Variants in PCBP3 observed in about 807,000 individuals in gnomAD.
PCBP3 encodes poly(rC) binding protein 3.
PCBP3 carries 25 observed loss-of-function variants against 52.7 expected under a neutral mutation model. That is an observed-to-expected ratio of 0.47 (90% confidence interval 0.35 to 0.66). The LOEUF (loss-of-function observed/expected upper bound fraction) is 0.66. PCBP3 is among the 30% of genes least tolerant of loss of function. The pLI is 0.01. For missense variants in PCBP3, 391 were observed against 490.3 expected, an observed-to-expected ratio of 0.80 and a Z score of 1.91; for synonymous variants, 162 against 183.0, an observed-to-expected ratio of 0.89 and a Z score of 0.93.
chr21:45,740,695 G>A (rs1433035243), intron 3 of PCBP3, among the ~76,000 whole-genome samples: 1 of 151,920 alleles, frequency 6.6e-6, no homozygotes, highest in Non-Finnish European at 1.5e-5. Context: ...ATGCGTGTGT[G>A]TATGTGTGTG....
intron 13 of PCBP3, among the ~76,000 whole-genome samples, chr21:45,921,669 T>C (rs1333578437): frequency 6.6e-6 from 1 of 151,942 alleles, no homozygotes; most frequent in Non-Finnish European, 1.5e-5. Context: ...TACAAAAAAA[T>C]TTAGCCAGAC....
Position 45,837,245 on chromosome 21 carries a change from T to C in PCBP3, c.-125-12716T>C, listed in dbSNP as rs1185772675. Among the ~76,000 whole-genome samples, 1 of 152,262 alleles carries C rather than the reference T, an allele frequency of 6.6e-6. No homozygotes were observed. The highest frequency in any genetic ancestry group is 1.5e-5 in the Non-Finnish European group (1 of 68,046). On this transcript the variant is annotated intron_variant, in intron 4 of 17. Transcript: ENST00000681687. This position sits in a 1 kb window ranked among gnomAD's most constrained non-coding sequence, Gnocchi z 4.1. ...GTAAATAACGTTTCACTGTGGTCTG[T>C]ATCTCCCGTTCCACATGCTCTTGTG...
Position 45,736,992 on chromosome 21 carries a change from G to C in PCBP3, c.-162+1563G>C, listed in dbSNP as rs73232742. Among the ~76,000 whole-genome samples, 2,528 of 152,218 alleles carry C rather than the reference G, an allele frequency of 0.017. 23 individuals are homozygous for C. Among genetic ancestry groups the C allele is most frequent in the Non-Finnish European group, 0.024 (1,639 of 67,996 alleles). ...TGCGCGAGTCTTGCTGGAGGTGCAC[G>C]TGTGAGCCCCTTGGTGCAGGAGGTG... On this transcript the variant is annotated intron_variant, in intron 3 of 17. Transcript: ENST00000681687. The surrounding 1 kb of genome is among the most constrained non-coding windows in gnomAD (Gnocchi z 4.6).
At position 45,892,980 on chromosome 21, in the gene PCBP3, G is replaced by C. The variant is rs1014648081; in HGVS notation, c.11-3228G>C. On this transcript the variant is annotated intron_variant, in intron 5 of 17. Coordinates refer to ENST00000681687, the MANE Select transcript of PCBP3 (RefSeq NM_001384156.1). Reference sequence around the variant, plus strand: ...TGGGGAGGGGAGGGAGTGCTGGAGAGGGGAGGGAGTCCTGGAGAGGGGAGC... The same window carrying C: ...TGGGGAGGGGAGGGAGTGCTGGAGACGGGAGGGAGTCCTGGAGAGGGGAGC... Among the ~76,000 whole-genome samples, 7 of 152,068 alleles carry C rather than the reference G, an allele frequency of 4.6e-5. 1 individual carries two copies. Among genetic ancestry groups the C allele is most frequent in the Non-Finnish European group, 8.8e-5 (6 of 67,980 alleles).
At chr21:45,693,518 C>CCA (rs1227173276) in intron 2 of PCBP3, among the ~76,000 whole-genome samples, 1 of 152,074 alleles carries the variant, frequency 6.6e-6, no homozygotes, top group Non-Finnish European at 1.5e-5. Flanking sequence ...TGTTAAAACT[C>CCA]ATCAAATTGT....
Position 45,754,152 on chromosome 21 carries a change from A to G in PCBP3, c.-161-1265A>G, listed in dbSNP as rs2087806115. ...AGACTGCTTTCCAAAATTAAATTTT[A>G]ATGGAAAAATATTGGCATGTGGCAT... is the stretch of plus-strand genomic sequence containing the variant. On this transcript the variant is annotated intron_variant, in intron 3 of 17. Transcript: ENST00000681687. Among the ~76,000 whole-genome samples the G allele has an allele frequency of 1.3e-5, 2 of 152,134 alleles. 1 individual carries two copies. Among genetic ancestry groups the G allele is most frequent in the South Asian group, 4.1e-4 (2 of 4,828 alleles).
intron 2 of PCBP3, among the ~76,000 whole-genome samples, chr21:45,717,227 T>G (rs1260564199): frequency 2.0e-5 from 3 of 152,154 alleles, no homozygotes; most frequent in African/African-American, 7.2e-5. Flanking sequence ...ATTATACTAG[T>G]TTTTTAGTGG....
chr21:45,898,975 G>A (rs764187880), intron 6 of PCBP3, among the ~76,000 whole-genome samples: 33 of 152,196 alleles, frequency 2.2e-4, no homozygotes, highest in Non-Finnish European at 3.4e-4. Context: ...CGTCCTCACA[G>A]CCTCACCGAC....
intron 2 of PCBP3, among the ~76,000 whole-genome samples, chr21:45,702,782 A>G (rs992149570): frequency 1.3e-5 from 2 of 152,206 alleles, no homozygotes; most frequent in African/African-American, 4.8e-5. Context: ...TCTTCCTTTC[A>G]CGAAAGTTTT....
rs564980133 is a variant in PCBP3, at chr21:45,830,501, C to G, written c.-125-19460C>G. On this transcript the variant is annotated intron_variant, in intron 4 of 17. Coordinates refer to ENST00000681687, the MANE Select transcript of PCBP3 (RefSeq NM_001384156.1). The surrounding 1 kb of genome is among the most constrained non-coding windows in gnomAD (Gnocchi z 4.4). ...GCAGGGTGGAGTGAGGCCACTGACG[C>G]GGGAGCCCTGCTGTGGGGGGTGTGT... The G allele has an allele frequency of 1.3e-5, 2 of 152,592 alleles. No individual in the cohort carries two copies. The highest frequency in any genetic ancestry group is 2.4e-5 in the African/African-American group (1 of 41,426). The allele number at this position is 152,592 out of a possible 1,614,324, so 9.5% of individuals were successfully genotyped here.
At chr21:45,823,798 A>G (rs561050280) in intron 4 of PCBP3, among the ~76,000 whole-genome samples, 1 of 152,022 alleles carries the variant, frequency 6.6e-6, no homozygotes, top group Admixed American at 6.6e-5. Context: ...TTGGAGTGCA[A>G]TAGCATGATC....
At chr21:45,792,884 G>A (rs2091701182) in intron 4 of PCBP3, among the ~76,000 whole-genome samples, 1 of 152,146 alleles carries the variant, frequency 6.6e-6, no homozygotes, top group Admixed American at 6.5e-5. Context: ...AAGTTGTGTC[G>A]GGGCCAGCCA....
chr21:45,920,994 G>A (rs1403413540), intron 13 of PCBP3, among the ~76,000 whole-genome samples: 1 of 152,216 alleles, frequency 6.6e-6, no homozygotes, highest in Non-Finnish European at 1.5e-5. Context: ...TCGGTGTCAT[G>A]AGATTTGCAG....
intron 5 of PCBP3, among the ~76,000 whole-genome samples, chr21:45,856,493 G>A (rs762203401): frequency 3.3e-5 from 5 of 152,290 alleles, no homozygotes; most frequent in East Asian, 3.9e-4. Flanking sequence ...TCATGGGTGC[G>A]GCTTCCCCAT....
At chr21:45,764,257 G>A (rs759750739) in intron 4 of PCBP3, among the ~76,000 whole-genome samples, 9 of 151,966 alleles carry the variant, frequency 5.9e-5, no homozygotes, top group Non-Finnish European at 1.2e-4. Context: ...CGAGTAGCTG[G>A]GATTACAGGC....
intron 10 of PCBP3, among the ~76,000 whole-genome samples, 174 bp downstream of exon 10, chr21:45,909,660 G>A (rs931536404): frequency 1.3e-5 from 2 of 151,570 alleles, no homozygotes; most frequent in Non-Finnish European, 2.9e-5. Context: ...CCATGAGCAA[G>A]CACAACTGCA....
chr21:45,824,269 C>A (rs1431768858), intron 4 of PCBP3, among the ~76,000 whole-genome samples: 1 of 152,192 alleles, frequency 6.6e-6, no homozygotes, highest in Non-Finnish European at 1.5e-5. Context: ...AGGTGCAAGT[C>A]CCTTTCCAGA....
At chr21:45,874,373 G>A (rs938247730) in intron 5 of PCBP3, among the ~76,000 whole-genome samples, 7 of 152,050 alleles carry the variant, frequency 4.6e-5, no homozygotes, top group Non-Finnish European at 1.5e-5. Flanking sequence ...TCTAATTCTC[G>A]GATCTTCTTT....
At chr21:45,907,604 G>A (rs1367087345) in intron 9 of PCBP3, among the ~76,000 whole-genome samples, 1 of 152,182 alleles carries the variant, frequency 6.6e-6, no homozygotes, top group Non-Finnish European at 1.5e-5. Context: ...ACAGAGTTCA[G>A]GTAACTCTGG....
Sources: gnomAD v4.1 joint callset for allele counts (sites outside exome capture counted in the v4.1 genomes callset) on GRCh38, gnomAD v4.1.1 for gene constraint, Gnocchi (gnomAD v3.1) non-coding constraint, MANE v1.5 for transcripts, NCBI Gene and HGNC (gene_info 2026-07-23, HGNC 2026-07-21) for gene names.